The following ZNF713 variants were observed in gnomAD, a reference collection of about 807,000 sequenced individuals.
The protein encoded by ZNF713 is zinc finger protein 713.
Under a neutral mutation model 28.7 loss-of-function variants are expected in ZNF713, and 21 were observed. The ratio of observed to expected loss-of-function variants is 0.73; its 90% confidence interval spans 0.52 to 1.05. The LOEUF is 1.05. Among genes scored for constraint, ZNF713 ranks in the 50% least tolerant of loss-of-function variants. The pLI is 0.00. For missense variants in ZNF713, 458 were observed against 532.4 expected, an observed-to-expected ratio of 0.86 and a Z score of 1.37; for synonymous variants, 167 against 178.0, an observed-to-expected ratio of 0.94 and a Z score of 0.49.
At chr7:55,926,195 A>T (rs779698776) in intron 6 of ZNF713, among the ~76,000 whole-genome samples, 13 of 152,130 alleles carry the variant, frequency 8.5e-5, no homozygotes, top group Non-Finnish European at 1.3e-4. Context: ...CTGGAATCCC[A>T]GCTACTCGGG....
chr7:55,901,574 A>G (rs1455789498), intron 1 of ZNF713, among the ~76,000 whole-genome samples: 8 of 152,240 alleles, frequency 5.3e-5, no homozygotes, highest in South Asian at 2.1e-4. Context: ...TCTTGACTGT[A>G]TAATGCAACC....
In ZNF713 at chr7:55,914,855, T is replaced by C. The variant is rs373371864; in HGVS notation, c.87+2132T>C. Reference sequence around the variant, plus strand: ...GGATAGATTCATTTGGTTTATTTTATTTTATTTTATTTTTTTTGAGACAGA... The same window carrying C: ...GGATAGATTCATTTGGTTTATTTTACTTTATTTTATTTTTTTTGAGACAGA... On this transcript the variant is annotated intron_variant, in intron 4 of 6. Transcript: ENST00000429591. Among the ~76,000 whole-genome samples, 14 of 152,204 alleles carry C rather than the reference T, an allele frequency of 9.2e-5. No individual in the cohort carries two copies. In the East Asian group the frequency reaches 2.7e-3, roughly 29 times the overall value.
intron 4 of ZNF713, among the ~76,000 whole-genome samples, chr7:55,918,648 G>A (rs1785930760): frequency 6.6e-6 from 1 of 152,168 alleles, no homozygotes; most frequent in African/African-American, 2.4e-5. Context: ...ATTAGAAGCT[G>A]GAGGATAGAG....
chr7:55,908,303 C>T (rs111643928), intron 2 of ZNF713, among the ~76,000 whole-genome samples: 16 of 152,128 alleles, frequency 1.1e-4, no homozygotes, highest in African/African-American at 2.9e-4. Context: ...CCGCCGTACC[C>T]GGCTAATTTT....
intron 6 of ZNF713, among the ~76,000 whole-genome samples, chr7:55,930,275 T>C (rs888725346): frequency 2.6e-5 from 4 of 152,142 alleles, no homozygotes; most frequent in African/African-American, 7.2e-5. Context: ...TTGCCTACCA[T>C]ATTAGCAAAA....
At chr7:55,887,817 CG>C (rs1785291005) in intron 1 of ZNF713, 137 bp downstream of exon 1, 43 of 1,262 alleles carry the variant, frequency 0.034, 12 homozygotes, top group Non-Finnish European at 0.068. Context: ...CGGCGGGCGG[CG>C]GGCGGCGGGC....
chr7:55,911,455 C>A (rs1479648269), intron 2 of ZNF713, among the ~76,000 whole-genome samples, 161 bp from the exon 3 acceptor site: 1 of 152,130 alleles, frequency 6.6e-6, no homozygotes, highest in Non-Finnish European at 1.5e-5. Flanking sequence ...ATGTGTGAAT[C>A]TGAGAAATTC....
intron 1 of ZNF713, among the ~76,000 whole-genome samples, chr7:55,891,668 G>A (rs1318545325): frequency 6.6e-6 from 1 of 151,932 alleles, no homozygotes; most frequent in Non-Finnish European, 1.5e-5. Context: ...ACTGCAGCCT[G>A]GGTGATAAAG....
In ZNF713 at chr7:55,901,288, T is replaced by C. The variant is rs1785571674; in HGVS notation, c.-582-4965T>C. On this transcript the variant is annotated intron_variant, in intron 1 of 6. Transcript: ENST00000429591. ...AGAGAGAGCTTATGCAGAGAAACTC[T>C]AGCTTATAAAGCCATCAGTTCTCAT... Among the ~76,000 whole-genome samples the C allele has an allele frequency of 2.0e-5, 3 of 152,244 alleles. No individual in the cohort carries two copies. The South Asian group carries it at 6.2e-4, about 32-fold the overall frequency.
intron 1 of ZNF713, among the ~76,000 whole-genome samples, chr7:55,894,723 C>G (rs1480323979): frequency 6.6e-6 from 1 of 152,000 alleles, no homozygotes; most frequent in Non-Finnish European, 1.5e-5. Context: ...AGCAAGCAAG[C>G]AAGAAAGAAA....
chr7:55,913,876 C>G (rs529351860), intron 4 of ZNF713, among the ~76,000 whole-genome samples: 1 of 152,224 alleles, frequency 6.6e-6, no homozygotes, highest in African/African-American at 2.4e-5. Flanking sequence ...CTTTGGGAGG[C>G]TGAGGTGGGC....
chr7:55,939,485 T>C lies in ZNF713; in HGVS notation c.811T>C (p.Ser271Pro). The change falls in exon 7 of 7, where the codon TCA (serine) becomes CCA (proline). Residue 271 changes from serine (S) to proline (P), a missense_variant. Transcript: ENST00000429591. Reference sequence around the variant, plus strand: ...GTGTGGGAAGGCCTTCAGCCACACCTCATCTCTTAGCCAGCCTCAGATGTT... The same window carrying C: ...GTGTGGGAAGGCCTTCAGCCACACCCCATCTCTTAGCCAGCCTCAGATGTT... ...SECGKAFSHT[S>P]SLSQPQMLLT... The C allele has an allele frequency of 6.2e-7, 1 of 1,614,096 alleles. No individual in the cohort carries two copies. The highest frequency in any genetic ancestry group is 1.1e-5 in the South Asian group (1 of 91,068).
intron 1 of ZNF713, among the ~76,000 whole-genome samples, chr7:55,896,150 G>C (rs1785468471): frequency 6.6e-6 from 1 of 152,152 alleles, no homozygotes; most frequent in Admixed American, 6.6e-5. Context: ...CCAAGACAAT[G>C]AGAGAAGCCA....
chr7:55,931,889 A>G (rs1786217142), intron 6 of ZNF713, among the ~76,000 whole-genome samples: 1 of 152,188 alleles, frequency 6.6e-6, no homozygotes, highest in Admixed American at 6.5e-5. Flanking sequence ...CTAGAGGACC[A>G]TACCTCCCTG....
At position 55,923,286 on chromosome 7, in the gene ZNF713, T is replaced by G. The variant is rs1454085131; in HGVS notation, c.212T>G (p.Leu71Arg). 6.2e-7 allele frequency: 1 copy of G among 1,605,640 alleles called. No homozygotes were observed. The highest frequency in any genetic ancestry group is 2.2e-5 in the East Asian group (1 of 44,854). The part of the protein sequence containing the change: ...MLENYRNLVA[L>R]GYQLCKPEVI... ...GAGAACTACAGGAATCTAGTTGCAC[T>G]GGGTGAGGATGGCATCCCTGTGAAA... Residue 71 changes from leucine to arginine, a missense_variant and splice_region_variant, in exon 5 of 7, where the codon CTG becomes CGG. Leu to Arg is a moderately radical substitution (Grantham distance 102). Coordinates refer to ENST00000429591, the MANE Select transcript of ZNF713 (RefSeq NM_182633.3).
chr7:55,896,578 AAT>A (rs1032488883), intron 1 of ZNF713, among the ~76,000 whole-genome samples: 4 of 138,134 alleles, frequency 2.9e-5, no homozygotes, highest in African/African-American at 7.9e-5. Flanking sequence ...CATGATATTT[AAT>A]ATATATGTGT....
At chr7:55,917,260 G>GA (rs138528824) in intron 4 of ZNF713, among the ~76,000 whole-genome samples, 42,096 of 139,644 alleles carry the variant, frequency 0.3, 6,340 homozygotes, top group Middle Eastern at 0.41. Context: ...CATCTGCATG[G>GA]AAAAAAAAAA....
intron 1 of ZNF713, among the ~76,000 whole-genome samples, chr7:55,892,373 G>A (rs184109051): frequency 2.2e-4 from 34 of 151,496 alleles, no homozygotes; most frequent in African/African-American, 8.0e-4. Flanking sequence ...CTCAAGCTTG[G>A]TGTTCAGGGT....
At chr7:55,904,463 T>TAAA (rs71015118) in intron 1 of ZNF713, among the ~76,000 whole-genome samples, 1,270 of 40,200 alleles carry the variant, frequency 0.032, 1 homozygote, top group Non-Finnish European at 0.04. Context: ...ACTGTATCTT[T>TAAA]AAAAAAAAAA....
Sources: gnomAD v4.1 joint callset for allele counts (sites outside exome capture counted in the v4.1 genomes callset) on GRCh38, gnomAD v4.1.1 for gene constraint, MANE v1.5 for transcripts, NCBI Gene and HGNC (gene_info 2026-07-23, HGNC 2026-07-21) for gene names.